Variants in THSD7B observed in about 807,000 individuals in gnomAD.
The protein encoded by THSD7B is thrombospondin type-1 domain-containing protein 7B.
THSD7B carries 138 observed loss-of-function variants against 213.6 expected under a neutral mutation model. That is an observed-to-expected ratio of 0.65 (90% CI 0.56 to 0.74). THSD7B has a LOEUF of 0.74. Among genes scored for constraint, THSD7B ranks in the 30% least tolerant of loss-of-function variants. The probability of loss-of-function intolerance (pLI) is 0.00; values close to 1 mark genes in which losing one functional copy is unlikely to be tolerated. For missense variants in THSD7B, 1,931 were observed against 1,991.5 expected (o/e 0.97, Z 0.58); for synonymous variants, 742 against 687.0 (o/e 1.08, Z -1.25).
intron 2 of THSD7B, among the ~76,000 whole-genome samples, chr2:136,884,011 G>T (rs1488945591): frequency 2.2e-4 from 34 of 152,028 alleles, no homozygotes; most frequent in Admixed American, 2.2e-3. Context: ...AATCTAAAAG[G>T]TACAAAATTA....
intron 9 of THSD7B, among the ~76,000 whole-genome samples, chr2:137,238,800 G>T (rs563449178): frequency 5.3e-5 from 8 of 150,916 alleles, no homozygotes; most frequent in African/African-American, 1.9e-4. Flanking sequence ...TGATCCACCC[G>T]CCTCGGCCTC....
At chr2:137,065,036 T>C (rs1346061138) in intron 3 of THSD7B, among the ~76,000 whole-genome samples, 7 of 152,046 alleles carry the variant, frequency 4.6e-5, no homozygotes, top group African/African-American at 1.7e-4. Flanking sequence ...CAGATTGTTT[T>C]TGCGATTTCT....
chr2:136,890,138 C>G (rs1683789074), intron 2 of THSD7B, among the ~76,000 whole-genome samples: 2 of 152,000 alleles, frequency 1.3e-5, no homozygotes, highest in African/African-American at 4.8e-5. Flanking sequence ...TTGCACATTG[C>G]TACCTGTTTG....
At position 137,411,810 on chromosome 2, in the gene THSD7B, G is replaced by A. The variant is rs757400855; in HGVS notation, c.2897G>A (p.Arg966Gln). 19 of 1,613,804 alleles carry A rather than the reference G, an allele frequency of 1.2e-5. No individual in the cohort carries two copies. In the Admixed American group the frequency reaches 1.3e-4, roughly 11 times the overall value. The change falls in exon 14 of 28, where the codon CGA becomes CAA. Residue 966 changes from arginine (R) to glutamine (Q), a missense_variant. Coordinates refer to ENST00000409968, the MANE Select transcript of THSD7B (RefSeq NM_001316349.2). ...GAATGTGGAGAAGGCCTGCGCTTTC[G>A]AGCAGTAGCCTGTTCTGATAAAAAT... ...SKECGEGLRF[R>Q]AVACSDKNGR...
At chr2:136,898,060 C>G (rs1016135809) in intron 2 of THSD7B, among the ~76,000 whole-genome samples, 2 of 152,202 alleles carry the variant, frequency 1.3e-5, no homozygotes, top group Non-Finnish European at 1.5e-5. Flanking sequence ...CTTTTAGACA[C>G]AGAGCGCTGA....
intron 15 of THSD7B, among the ~76,000 whole-genome samples, chr2:137,525,382 C>G (rs10178194): frequency 0.2 from 30,475 of 152,056 alleles, 3,202 homozygotes; most frequent in South Asian, 0.28. Context: ...GCAAACCTCT[C>G]TTTATTTTGA....
intron 12 of THSD7B, among the ~76,000 whole-genome samples, chr2:137,326,751 T>A (rs1684383124): frequency 6.6e-6 from 1 of 152,154 alleles, no homozygotes; most frequent in African/African-American, 2.4e-5. Context: ...TTGGGGGACT[T>A]AAAATACAGT....
chr2:137,515,803 T>A (rs180747619), intron 15 of THSD7B, among the ~76,000 whole-genome samples: 19 of 152,288 alleles, frequency 1.2e-4, no homozygotes, highest in Middle Eastern at 6.8e-3. Context: ...CTTGGTTTAA[T>A]GTAGAGGAAG....
chr2:137,572,768 C>A (rs751640672), intron 17 of THSD7B, among the ~76,000 whole-genome samples: 6 of 152,062 alleles, frequency 3.9e-5, no homozygotes, highest in Non-Finnish European at 7.4e-5. Context: ...TCTTCCAGGG[C>A]CTTTATCACA....
chr2:137,435,142 A>G (rs1687267315), intron 14 of THSD7B, among the ~76,000 whole-genome samples: 1 of 152,128 alleles, frequency 6.6e-6, no homozygotes, highest in African/African-American at 2.4e-5. Context: ...TGGATTTCTC[A>G]TTAGTTATAT....
At chr2:137,595,691 A>G (rs1016628131) in intron 17 of THSD7B, among the ~76,000 whole-genome samples, 45 of 152,088 alleles carry the variant, frequency 3.0e-4, no homozygotes, top group African/African-American at 1.1e-3. Flanking sequence ...CATTGGGAGA[A>G]ATTTCATTTT....
At chr2:136,792,522 G>T (rs967524047) in intron 1 of THSD7B, among the ~76,000 whole-genome samples, 1 of 151,990 alleles carries the variant, frequency 6.6e-6, no homozygotes, top group Non-Finnish European at 1.5e-5. Flanking sequence ...GGGCTTCTGG[G>T]TGATGGTCTC....
chr2:137,215,523 T>TCAGTCATGG (rs1165861023), intron 7 of THSD7B, among the ~76,000 whole-genome samples: 1 of 152,164 alleles, frequency 6.6e-6, no homozygotes, highest in Non-Finnish European at 1.5e-5. Context: ...CTGCATGCCC[T>TCAGTCATGG]CAGTCATGGG....
chr2:136,944,132 A>AT (rs1684883556), intron 2 of THSD7B, among the ~76,000 whole-genome samples: 1 of 151,730 alleles, frequency 6.6e-6, no homozygotes, highest in Admixed American at 6.6e-5. Context: ...CCTTCATTTC[A>AT]TTTTTTACCC....
At chr2:137,213,631 G>A in intron 7 of THSD7B, among the ~76,000 whole-genome samples, 1 of 151,756 alleles carries the variant, frequency 6.6e-6, no homozygotes, top group East Asian at 1.9e-4. Context: ...TAAGTGGCAA[G>A]GCAGAGAATT....
intron 15 of THSD7B, among the ~76,000 whole-genome samples, chr2:137,516,415 T>C (rs944287725): frequency 3.3e-5 from 5 of 152,080 alleles, no homozygotes; most frequent in African/African-American, 1.2e-4. Context: ...TACCAACAAT[T>C]TACACTGTTA....
chr2:137,562,093 C>G (rs1681130872), intron 15 of THSD7B, among the ~76,000 whole-genome samples: 1 of 152,112 alleles, frequency 6.6e-6, no homozygotes, highest in Non-Finnish European at 1.5e-5. Flanking sequence ...CTTGATTATC[C>G]TATTACATAG....
chr2:137,029,443 A>G (rs1411686805), intron 2 of THSD7B, among the ~76,000 whole-genome samples: 1 of 152,086 alleles, frequency 6.6e-6, no homozygotes, highest in Non-Finnish European at 1.5e-5. Flanking sequence ...CTATTGTTTT[A>G]TATTTAGATT....
chr2:137,275,029 A>G (rs1057503544), intron 11 of THSD7B, among the ~76,000 whole-genome samples: 2 of 152,076 alleles, frequency 1.3e-5, no homozygotes, highest in Non-Finnish European at 2.9e-5. Context: ...GTTAAAATGT[A>G]CTAAGTGAAA....
Sources: gnomAD v4.1 joint callset for allele counts (sites outside exome capture counted in the v4.1 genomes callset) on GRCh38, gnomAD v4.1.1 for gene constraint, MANE v1.5 for transcripts, NCBI Gene and HGNC (gene_info 2026-07-23, HGNC 2026-07-21) for gene names.